The following LNX1 variants were observed in gnomAD, a reference collection of about 807,000 sequenced individuals.
The protein encoded by LNX1 is E3 ubiquitin-protein ligase LNX.
A neutral mutation model predicts 68.4 loss-of-function variants in LNX1; 54 were observed. The observed-to-expected ratio is 0.79, with a 90% CI of 0.63 to 0.99. The LOEUF is 0.99. Ranked by LOEUF, LNX1 falls within the 50% of genes least tolerant of loss-of-function variation. The pLI, the probability that LNX1 is intolerant of heterozygous loss-of-function variation, is 0.00. For missense variants in LNX1, 906 were observed against 926.4 expected, an observed-to-expected ratio of 0.98 and a Z score of 0.29; for synonymous variants, 336 against 350.0, an observed-to-expected ratio of 0.96 and a Z score of 0.45.
At chr4:53,576,694 T>A (rs1731511753) in intron 1 of LNX1, among the ~76,000 whole-genome samples, 1 of 152,150 alleles carries the variant, frequency 6.6e-6, no homozygotes, top group African/African-American at 2.4e-5. Context: ...ACTTTCCTCT[T>A]TTCCAAAAGT....
At chr4:53,465,396 C>T (rs17082847) in intron 9 of LNX1, among the ~76,000 whole-genome samples, 1 of 152,058 alleles carries the variant, frequency 6.6e-6, no homozygotes, top group Non-Finnish European at 1.5e-5. Flanking sequence ...AATGCACTAG[C>T]CTTTATGTAG....
intron 4 of LNX1, among the ~76,000 whole-genome samples, chr4:53,504,403 T>A (rs1215719757): frequency 6.6e-6 from 1 of 152,254 alleles, no homozygotes; most frequent in Admixed American, 6.5e-5. Context: ...CTTCACAGAA[T>A]CAAAGAAAGT....
intron 1 of LNX1, among the ~76,000 whole-genome samples, chr4:53,636,800 GA>G (rs1488540533): frequency 6.6e-5 from 10 of 152,024 alleles, no homozygotes; most frequent in African/African-American, 2.4e-4. Flanking sequence ...AGACTCCAGT[GA>G]AATTTCTTGG....
intron 2 of LNX1, among the ~76,000 whole-genome samples, chr4:53,515,609 T>TTAA (rs1303816119): frequency 6.6e-6 from 1 of 152,206 alleles, no homozygotes; most frequent in African/African-American, 2.4e-5. Context: ...TTATTTGCTT[T>TTAA]GAGTTTAAGA....
chr4:53,620,462 A>G (rs1000137437), upstream of LNX1, among the ~76,000 whole-genome samples: 7 of 152,310 alleles, frequency 4.6e-5, no homozygotes, highest in Admixed American at 3.9e-4. Flanking sequence ...TAGAGCAAAC[A>G]TATAATGTGA....
chr4:53,547,202 T>C (rs1729173363), intron 2 of LNX1, among the ~76,000 whole-genome samples: 1 of 152,250 alleles, frequency 6.6e-6, no homozygotes, highest in African/African-American at 2.4e-5. Flanking sequence ...CATGGCGTTA[T>C]CAATTCTAAG....
At chr4:53,464,700 A>G (rs2412488) in intron 9 of LNX1, among the ~76,000 whole-genome samples, 105,567 of 151,980 alleles carry the variant, frequency 0.69, 36,736 homozygotes, top group Middle Eastern at 0.72. Context: ...ATAAGGGATA[A>G]CTAAACCATT....
rs745476837 is a variant in LNX1, at chr4:53,642,223, T to TAAAAAAAAAAAAAAAAAAAA, written c.-215+9925_-215+9944dup. 2.1e-5 allele frequency among the ~76,000 whole-genome samples: 2 copies of TAAAAAAAAAAAAAAAAAAAA among 96,308 alleles called. 1 individual carries two copies. 63.2% of individuals were successfully genotyped at this position (96,308 alleles called of 152,430 possible). A position where few individuals can be genotyped will look rare whatever the true frequency, so the allele number is the denominator to read the frequency against. ...GGCAATGCAGAGCAAAATCCTATCTTAAAAAAAAAAAAAAAAAAAAAAGGT... is the reference window on the plus strand; with the variant it reads ...GGCAATGCAGAGCAAAATCCTATCTTAAAAAAAAAAAAAAAAAAAAAAAAAAAAAAAAAAAAAAAAAAGGT... On this transcript the variant is annotated intron_variant, in intron 1 of 2. Coordinates refer to the LNX1 transcript ENST00000507168.
intron 2 of LNX1, among the ~76,000 whole-genome samples, chr4:53,517,664 T>G (rs1456248509): frequency 6.6e-6 from 1 of 152,228 alleles, no homozygotes; most frequent in African/African-American, 2.4e-5. Flanking sequence ...CTAAAGACAT[T>G]AGGTAAAGAC....
chr4:53,472,703 A>AAC lies in LNX1; in HGVS notation c.1892+4049_1892+4050insGT, dbSNP rs1723306863. On this transcript the variant is annotated intron_variant, in intron 9 of 10. Transcript: ENST00000263925. ...ACAACAACAAAAAAAAAAAAAACAA[A>AAC]AAACAATGGGGAAGTAAAGGACTCT... 9.9e-5 allele frequency among the ~76,000 whole-genome samples: 13 copies of AAC among 131,690 alleles called. 1 individual carries two copies. The highest frequency in any genetic ancestry group is 4.6e-4 in the South Asian group (2 of 4,362). The allele number at this position is 131,690 out of a possible 152,430, so 86.4% of individuals were successfully genotyped here. A position where few individuals can be genotyped will look rare whatever the true frequency, so the allele number is the denominator to read the frequency against.
intron 2 of LNX1, among the ~76,000 whole-genome samples, chr4:53,545,893 T>C (rs989726620): frequency 1.3e-5 from 2 of 150,092 alleles, no homozygotes; most frequent in Non-Finnish European, 3.0e-5. Flanking sequence ...CTACAACCTC[T>C]GCCTCGCAGG....
At chr4:53,551,514 A>G (rs775753343) in intron 2 of LNX1, among the ~76,000 whole-genome samples, 5 of 152,180 alleles carry the variant, frequency 3.3e-5, no homozygotes, top group Non-Finnish European at 4.4e-5. Context: ...TCAACTGATA[A>G]GGAGAAAAAG....
At chr4:53,540,710 C>A (rs1232248632) in intron 2 of LNX1, among the ~76,000 whole-genome samples, 5 of 151,760 alleles carry the variant, frequency 3.3e-5, no homozygotes, top group Admixed American at 6.6e-5. Flanking sequence ...ACAAAAAAAC[C>A]CCCCTGTTAT....
chr4:53,476,079 T>C (rs1395452788), intron 9 of LNX1, among the ~76,000 whole-genome samples: 4 of 152,104 alleles, frequency 2.6e-5, no homozygotes, highest in Non-Finnish European at 5.9e-5. Context: ...GGCAGATTGA[T>C]TGAAGTCAGG....
chr4:53,553,778 T>C (rs1729688262), intron 2 of LNX1, among the ~76,000 whole-genome samples: 1 of 152,174 alleles, frequency 6.6e-6, no homozygotes, highest in African/African-American at 2.4e-5. Context: ...CCACACCAAA[T>C]ACTCTGGTTT....
At chr4:53,619,452 T>A (rs1344651870), upstream of LNX1, among the ~76,000 whole-genome samples, 1 of 152,202 alleles carries the variant, frequency 6.6e-6, no homozygotes, top group Non-Finnish European at 1.5e-5. Context: ...ATGCAATATG[T>A]GGCCTTTGTG....
intron 1 of LNX1, among the ~76,000 whole-genome samples, chr4:53,634,648 A>T (rs1734398677): frequency 1.3e-5 from 2 of 151,956 alleles, no homozygotes; most frequent in South Asian, 4.2e-4. Context: ...TGGCCAACCT[A>T]CTTACTACCT....
intron 6 of LNX1, among the ~76,000 whole-genome samples, chr4:53,490,943 T>C (rs555659749): frequency 6.6e-6 from 1 of 152,358 alleles, no homozygotes; most frequent in Admixed American, 6.5e-5. Context: ...TTTTTCCTGC[T>C]TATAAAGCAC....
chr4:53,564,578 G>A (rs1346857624), intron 2 of LNX1, among the ~76,000 whole-genome samples: 1 of 152,198 alleles, frequency 6.6e-6, no homozygotes, highest in Non-Finnish European at 1.5e-5. Context: ...GAACCTCTGA[G>A]TATGTCACTT....
Sources: allele counts gnomAD v4.1 joint callset (sites outside exome capture counted in the v4.1 genomes callset), GRCh38; gene constraint gnomAD v4.1.1; transcripts MANE v1.5; gene names NCBI Gene and HGNC (gene_info 2026-07-23, HGNC 2026-07-21).